MFAP2: variants seen among roughly 807,000 people sequenced by gnomAD.
The protein encoded by MFAP2 is microfibril associated protein 2.
Under a neutral mutation model 30.6 loss-of-function variants are expected in MFAP2, and 23 were observed. The observed-to-expected ratio is 0.75, with a 90% CI of 0.54 to 1.07. MFAP2 has a LOEUF of 1.07. Among genes scored for constraint, MFAP2 ranks in the 50% least tolerant of loss-of-function variants. The probability of loss-of-function intolerance (pLI) is 0.00; values close to 1 mark genes in which losing one functional copy is unlikely to be tolerated. For missense variants in MFAP2, 198 were observed against 223.8 expected (o/e 0.88, Z 0.74); for synonymous variants, 73 against 85.7 (o/e 0.85, Z 0.82).
In MFAP2 at chr1:16,975,695, A is replaced by T; in HGVS notation, c.322T>A (p.Tyr108Asn). 1 of 1,613,868 alleles carries T rather than the reference A, an allele frequency of 6.2e-7. No individual in the cohort carries two copies. The highest frequency in any genetic ancestry group is 8.5e-7 in the Non-Finnish European group (1 of 1,179,886). ...TGTTTGCAAGGCCTGTGTATGGAGTAGAGGCGGGTGCACGGGTACTGTTCC... is the reference window on the plus strand; with the variant it reads ...TGTTTGCAAGGCCTGTGTATGGAGTTGAGGCGGGTGCACGGGTACTGTTCC... Reference protein sequence around the residue: ...REEQYPCTRLYSIHRPCKQCL... With the variant: ...REEQYPCTRLNSIHRPCKQCL... Residue 108 changes from tyrosine to asparagine, a missense_variant, in exon 7 of 9, where the codon TAC becomes AAC. Coordinates refer to ENST00000375535, the MANE Select transcript of MFAP2 (RefSeq NM_002403.4). This position sits in a 1 kb window ranked among gnomAD's most constrained non-coding sequence, Gnocchi z 5.0.
chr1:16,976,102 A>G lies in MFAP2; in HGVS notation c.287-372T>C. 1 of 465,590 alleles carries G rather than the reference A, an allele frequency of 2.1e-6. No homozygotes were observed. The highest frequency in any genetic ancestry group is 3.9e-6 in the Non-Finnish European group (1 of 254,608). The allele number at this position is 465,590 out of a possible 1,614,324, so 28.8% of individuals were successfully genotyped here. A position where few individuals can be genotyped will look rare whatever the true frequency, so the allele number is the denominator to read the frequency against. On this transcript the variant is annotated intron_variant, in intron 6 of 8. Transcript: ENST00000375535. The surrounding 1 kb of genome is among the most constrained non-coding windows in gnomAD (Gnocchi z 5.5). ...AGCACACGGATTCTCCTGCACACAC[A>G]CACCTTGTTCTTTCAAGCTCTCAGC...
chr1:16,980,053 G>GC (rs2076624486), intron 1 of MFAP2, among the ~76,000 whole-genome samples: 3 of 151,952 alleles, frequency 2.0e-5, no homozygotes, highest in African/African-American at 7.2e-5. Context: ...GGGACAGGGG[G>GC]CCCCGACGCT....
In MFAP2 at chr1:16,974,897, G is replaced by A; in HGVS notation, c.*23C>T. 1.5e-6 allele frequency: 1 copy of A among 647,648 alleles called. No homozygotes were observed. The highest frequency in any genetic ancestry group is 1.8e-5 in the South Asian group (1 of 55,862). The allele number at this position is 647,648 out of a possible 1,614,324, so 40.1% of individuals were successfully genotyped here. ...AGGGCCCCAGATCCCAGGAGGGCCAGGACTCAGGATGCCAGCACCACCCTA... is the reference window on the plus strand; with the variant it reads ...AGGGCCCCAGATCCCAGGAGGGCCAAGACTCAGGATGCCAGCACCACCCTA... On this transcript the variant is annotated 3_prime_UTR_variant, in exon 9 of 9. Transcript: ENST00000375535.
intron 2 of MFAP2, 166 bp downstream of exon 2, chr1:16,978,071 G>T (rs1217183801): frequency 4.4e-6 from 3 of 675,582 alleles, no homozygotes; most frequent in African/African-American, 3.7e-5. Context: ...ATGCTGCCAG[G>T]GTTGGCTGGT....
chr1:16,976,363 A>T lies in MFAP2; in HGVS notation c.286+138T>A. On this transcript the variant is annotated intron_variant, in intron 6 of 8. Transcript: ENST00000375535. This position sits in a 1 kb window ranked among gnomAD's most constrained non-coding sequence, Gnocchi z 5.5. ...CTGGGGGGCCTGGTGATGCCAGCCT[A>T]CGGCAGTCATACTGCCCACACTGCC... 1 of 1,087,014 alleles carries T rather than the reference A, an allele frequency of 9.2e-7. No homozygotes were observed. The highest frequency in any genetic ancestry group is 1.6e-5 in the African/African-American group (1 of 64,516). 67.3% of individuals were successfully genotyped at this position (1,087,014 alleles called of 1,614,324 possible).
chr1:16,978,329 G>A lies in MFAP2; in HGVS notation c.-41-15C>T, dbSNP rs2076610356. The A allele has an allele frequency of 2.6e-6, 4 of 1,548,060 alleles. No homozygotes were observed. In the African/African-American group the frequency reaches 4.1e-5, roughly 16 times the overall value. On this transcript the variant is annotated splice_polypyrimidine_tract_variant and intron_variant, in intron 1 of 8. Coordinates refer to ENST00000375535, the MANE Select transcript of MFAP2 (RefSeq NM_002403.4). ...AGAGAGGACAGCTGGGGAAAGACCG[G>A]TGGGAGAGCTCTACCCAGGGCCACA...
Position 16,975,828 on chromosome 1 carries a change from C to T in MFAP2, c.287-98G>A, listed in dbSNP as rs2076586347. 1.0e-6 allele frequency: 1 copy of T among 968,564 alleles called. No homozygotes were observed. Among genetic ancestry groups the T allele is most frequent in the African/African-American group, 1.7e-5 (1 of 60,590 alleles). The allele number at this position is 968,564 out of a possible 1,614,324, so 60.0% of individuals were successfully genotyped here. Reference sequence around the variant, plus strand: ...CTCACAGGGCCTAGTCCCCCCTGTACCTTCAGGCCCCGTGCAGACACCCAT... The same window carrying T: ...CTCACAGGGCCTAGTCCCCCCTGTATCTTCAGGCCCCGTGCAGACACCCAT... On this transcript the variant is annotated intron_variant, in intron 6 of 8. Transcript: ENST00000375535. This position sits in a 1 kb window ranked among gnomAD's most constrained non-coding sequence, Gnocchi z 5.0.
chr1:16,975,280 T>G lies in MFAP2; in HGVS notation c.437A>C (p.Glu146Ala). The G allele has an allele frequency of 1.2e-6, 2 of 1,613,548 alleles. No individual in the cohort carries two copies. Among genetic ancestry groups the G allele is most frequent in the Non-Finnish European group, 1.7e-6 (2 of 1,179,746 alleles). ...ICVRTVCAHE[E>A]LLRADLCRDK... is the part of the protein sequence containing the mutation. The stretch of plus-strand genomic sequence containing the variant: ...GGTGGCCTTCCTACCTCGGAGGAGC[T>G]CCTCATGGGCACACACTGTACGAAC... Residue 146 changes from glutamate (E) to alanine (A), a missense_variant, in exon 8 of 9, where the codon GAG becomes GCG. Coordinates refer to ENST00000375535, the MANE Select transcript of MFAP2 (RefSeq NM_002403.4). This position sits in a 1 kb window ranked among gnomAD's most constrained non-coding sequence, Gnocchi z 5.0.
At position 16,975,510 on chromosome 1, in the gene MFAP2, C is replaced by T. The variant is rs77987717; in HGVS notation, c.374+133G>A. The stretch of plus-strand genomic sequence containing the variant: ...AGGAGGTCCCTGGCCCAGGCTCAAC[C>T]ACAGAACTGAGCTCAACTTAAGGAC... On this transcript the variant is annotated intron_variant, in intron 7 of 8. Coordinates refer to ENST00000375535, the MANE Select transcript of MFAP2 (RefSeq NM_002403.4). The surrounding 1 kb of genome is among the most constrained non-coding windows in gnomAD (Gnocchi z 5.0). The T allele has an allele frequency of 3.0e-3, 3,747 of 1,237,116 alleles. 59 individuals are homozygous for T. The African/African-American group carries it at 0.042, about 14-fold the overall frequency. The allele number at this position is 1,237,116 out of a possible 1,614,324, so 76.6% of individuals were successfully genotyped here.
At chr1:16,980,753 T>A (rs1440154513), upstream of MFAP2, 2 of 136,418 alleles carry the variant, frequency 1.5e-5, no homozygotes, top group Non-Finnish European at 3.2e-5. Flanking sequence ...CGCCGTGCCC[T>A]CGGGGTTCCA....
chr1:16,978,110 C>G, intron 2 of MFAP2, 127 bp downstream of exon 2: 2 of 1,054,518 alleles, frequency 1.9e-6, no homozygotes, highest in Non-Finnish European at 1.4e-6. Context: ...AGGCAGAAGG[C>G]CCTGGGAGCT....
Position 16,975,350 on chromosome 1 carries a change from G to T in MFAP2, c.375-8C>A, listed in dbSNP as rs1243799601. ...ACGTACACACGGCGGAGGCTGCGGGGACAGGGCACGGGAGGTCTCAGCCCC... is the reference window on the plus strand; with the variant it reads ...ACGTACACACGGCGGAGGCTGCGGGTACAGGGCACGGGAGGTCTCAGCCCC... On this transcript the variant is annotated splice_polypyrimidine_tract_variant and splice_region_variant and intron_variant, in intron 7 of 8. Coordinates refer to ENST00000375535, the MANE Select transcript of MFAP2 (RefSeq NM_002403.4). The surrounding 1 kb of genome is among the most constrained non-coding windows in gnomAD (Gnocchi z 5.0). 1.9e-6 allele frequency: 3 copies of T among 1,613,266 alleles called. No homozygotes were observed. Among genetic ancestry groups the T allele is most frequent in the Non-Finnish European group, 2.5e-6 (3 of 1,179,602 alleles).
chr1:16,979,736 G>T (rs1265145229), intron 1 of MFAP2, among the ~76,000 whole-genome samples: 1 of 152,238 alleles, frequency 6.6e-6, no homozygotes, highest in Non-Finnish European at 1.5e-5. Context: ...AAGAGGGGTT[G>T]CAAGGTGTTG....
At position 16,976,418 on chromosome 1, in the gene MFAP2, C is replaced by T; in HGVS notation, c.286+83G>A. 1.3e-6 allele frequency: 2 copies of T among 1,576,410 alleles called. No individual in the cohort carries two copies. The highest frequency in any genetic ancestry group is 1.1e-5 in the South Asian group (1 of 90,224). Reference sequence around the variant, plus strand: ...GCCCACATGGGCAAGGGCCAAAGACCTCCAGCCCACCAGCACCACCCCCTA... The same window carrying T: ...GCCCACATGGGCAAGGGCCAAAGACTTCCAGCCCACCAGCACCACCCCCTA... On this transcript the variant is annotated intron_variant, in intron 6 of 8. Transcript: ENST00000375535. This position sits in a 1 kb window ranked among gnomAD's most constrained non-coding sequence, Gnocchi z 5.5.
intron 2 of MFAP2, chr1:16,977,404 C>T (rs1386442167): frequency 1.8e-6 from 1 of 570,052 alleles, no homozygotes; most frequent in Admixed American, 3.1e-5. Flanking sequence ...TGACCTTACC[C>T]TGCCCCTTCC....
At chr1:16,978,199 C>T in intron 2 of MFAP2, 38 bp downstream of exon 2, 2 of 1,555,328 alleles carry the variant, frequency 1.3e-6, no homozygotes, top group Non-Finnish European at 1.7e-6. Context: ...CTCAGCCCCA[C>T]ATAAGAGGAG....
Position 16,975,918 on chromosome 1 carries a change from T to C in MFAP2, c.287-188A>G, listed in dbSNP as rs2076587067. 6.6e-6 allele frequency among the ~76,000 whole-genome samples: 1 copy of C among 152,046 alleles called. No homozygotes were observed. Among genetic ancestry groups the C allele is most frequent in the South Asian group, 2.1e-4 (1 of 4,822 alleles). On this transcript the variant is annotated intron_variant, in intron 6 of 8. Transcript: ENST00000375535. The surrounding 1 kb of genome is among the most constrained non-coding windows in gnomAD (Gnocchi z 5.0). The stretch of plus-strand genomic sequence containing the variant: ...ACTTCCCAGGGCTGTAATATTCACG[T>C]ATCAATTCACAACCGCACTTACTAT...
At chr1:16,977,907 TC>T (rs2076606191) in intron 2 of MFAP2, 1 of 310,012 alleles carries the variant, frequency 3.2e-6, no homozygotes, top group Non-Finnish European at 6.1e-6. Flanking sequence ...GCATCCGGAC[TC>T]CCTGCCTTGG....
chr1:16,981,376 C>G (rs1430436320), upstream of MFAP2, among the ~76,000 whole-genome samples: 2 of 152,200 alleles, frequency 1.3e-5, no homozygotes, highest in Non-Finnish European at 2.9e-5. Flanking sequence ...AGTCCAAATT[C>G]ACGACCTCCT....
Sources: gnomAD v4.1 joint callset for allele counts (sites outside exome capture counted in the v4.1 genomes callset) on GRCh38, gnomAD v4.1.1 for gene constraint, Gnocchi (gnomAD v3.1) non-coding constraint, MANE v1.5 for transcripts, NCBI Gene and HGNC (gene_info 2026-07-23, HGNC 2026-07-21) for gene names.